ARMH3: variants seen among roughly 807,000 people sequenced by gnomAD.
The protein encoded by ARMH3 is armadillo-like helical domain-containing protein 3.
A neutral mutation model predicts 99.1 loss-of-function variants in ARMH3; 60 were observed. That is an observed-to-expected ratio of 0.61 (90% CI 0.49 to 0.75). The LOEUF (loss-of-function observed/expected upper bound fraction) is 0.75, where lower values mean the gene tolerates loss of function less well. Ranked by LOEUF, ARMH3 falls within the 30% of genes least tolerant of loss-of-function variation. The pLI is 0.00. For synonymous variants in ARMH3, 285 were observed against 292.8 expected (o/e 0.97, Z 0.27); for missense variants, 679 against 843.1 (o/e 0.81, Z 2.41).
intron 24 of ARMH3, among the ~76,000 whole-genome samples, chr10:101,876,863 C>A (rs1304663696): frequency 6.6e-6 from 1 of 152,128 alleles, no homozygotes; most frequent in African/African-American, 2.4e-5. Flanking sequence ...AAAGATAATT[C>A]TTGGGTTAAA....
chr10:102,050,350 G>T (rs371115711), intron 1 of ARMH3, among the ~76,000 whole-genome samples: 3 of 151,394 alleles, frequency 2.0e-5, no homozygotes, highest in East Asian at 3.9e-4. Context: ...TCGGGAGGCT[G>T]AGGCAAGAGA....
At chr10:101,900,451 T>C (rs2069373630) in intron 23 of ARMH3, among the ~76,000 whole-genome samples, 2 of 152,178 alleles carry the variant, frequency 1.3e-5, no homozygotes, top group African/African-American at 4.8e-5. Flanking sequence ...GCACTGGAGA[T>C]AAGCTCAAAA....
chr10:101,956,572 G>C, intron 22 of ARMH3, 25 bp downstream of exon 22: 13 of 1,610,316 alleles, frequency 8.1e-6, no homozygotes, highest in African/African-American at 1.3e-5. Context: ...GGTGGAGAGA[G>C]GAGTAAAAAG....
At chr10:102,021,768 G>C (rs933496732) in intron 8 of ARMH3, among the ~76,000 whole-genome samples, 1 of 151,790 alleles carries the variant, frequency 6.6e-6, no homozygotes, top group South Asian at 2.1e-4. Flanking sequence ...GGATGGTCTC[G>C]ATCTCCCAAC....
chr10:102,034,012 G>T (rs1245221582), intron 2 of ARMH3, among the ~76,000 whole-genome samples: 1 of 152,148 alleles, frequency 6.6e-6, no homozygotes, highest in African/African-American at 2.4e-5. Context: ...ACAATCCAGT[G>T]AGCCAGGAAG....
chr10:101,862,853 G>T (rs72844671), intron 24 of ARMH3, among the ~76,000 whole-genome samples: 1 of 152,276 alleles, frequency 6.6e-6, no homozygotes, highest in Non-Finnish European at 1.5e-5. Context: ...CAATTAAAAG[G>T]CAGGGACTTT....
chr10:101,987,011 G>A (rs980435565), intron 19 of ARMH3, among the ~76,000 whole-genome samples: 8 of 152,172 alleles, frequency 5.3e-5, no homozygotes, highest in Non-Finnish European at 1.0e-4. Context: ...ATGAACAAGG[G>A]CGAGGAGGGA....
chr10:102,022,975 C>T (rs983027926), intron 8 of ARMH3, among the ~76,000 whole-genome samples: 8 of 151,778 alleles, frequency 5.3e-5, no homozygotes, highest in Non-Finnish European at 1.2e-4. Flanking sequence ...GATCACCTGA[C>T]ATTGGGAGTT....
intron 23 of ARMH3, among the ~76,000 whole-genome samples, chr10:101,892,638 C>T (rs1366719632): frequency 2.0e-5 from 3 of 152,108 alleles, no homozygotes; most frequent in African/African-American, 7.2e-5. Flanking sequence ...CCAATCCCAG[C>T]ACTTATCATA....
chr10:101,866,492 A>T (rs2067006713), intron 24 of ARMH3, among the ~76,000 whole-genome samples: 1 of 151,362 alleles, frequency 6.6e-6, no homozygotes, highest in Admixed American at 6.6e-5. Flanking sequence ...TAAAAAAAAA[A>T]AAAAAAGAAA....
chr10:102,000,618 AT>A (rs1183778469), intron 15 of ARMH3, among the ~76,000 whole-genome samples: 6 of 106,806 alleles, frequency 5.6e-5, no homozygotes, highest in African/African-American at 1.7e-4. Context: ...CACAAAAAAA[AT>A]ATTATCCAGG....
At chr10:101,929,155 A>G (rs1022027155) in intron 23 of ARMH3, among the ~76,000 whole-genome samples, 11 of 152,372 alleles carry the variant, frequency 7.2e-5, no homozygotes, top group Admixed American at 2.6e-4. Flanking sequence ...TTCTTTGACT[A>G]CATTATCTAA....
intron 1 of ARMH3, among the ~76,000 whole-genome samples, chr10:102,045,129 C>CAAAA (rs574856341): frequency 3.2e-4 from 26 of 80,554 alleles, no homozygotes; most frequent in South Asian, 1.3e-3. Flanking sequence ...GCCCTTGTCT[C>CAAAA]AAAAAAAAAA....
At chr10:101,883,405 G>T (rs1235009983) in intron 24 of ARMH3, among the ~76,000 whole-genome samples, 1 of 149,174 alleles carries the variant, frequency 6.7e-6, no homozygotes, top group Non-Finnish European at 1.5e-5. Flanking sequence ...GACAGAGCAA[G>T]ACCTTGTCTC....
At chr10:101,866,885 CCTGT>C (rs568891570) in intron 24 of ARMH3, among the ~76,000 whole-genome samples, 16 of 152,154 alleles carry the variant, frequency 1.1e-4, no homozygotes, top group Middle Eastern at 3.4e-3. Flanking sequence ...ATAGCAAGAC[CCTGT>C]CTGTCTGTAA....
chr10:102,011,695 C>T (rs778747699), intron 11 of ARMH3, 28 bp downstream of exon 11: 3 of 1,565,502 alleles, frequency 1.9e-6, no homozygotes, highest in Admixed American at 1.9e-5. Flanking sequence ...CTGTTTTTTT[C>T]AGGAGAAAAA....
chr10:101,892,389 G>T (rs192363045), intron 23 of ARMH3, among the ~76,000 whole-genome samples: 1 of 152,228 alleles, frequency 6.6e-6, no homozygotes, highest in South Asian at 2.1e-4. Flanking sequence ...AGCCCAGGGG[G>T]ATGAGGCTGC....
chr10:101,944,590 G>T (rs1437944495), intron 22 of ARMH3, among the ~76,000 whole-genome samples: 1 of 152,008 alleles, frequency 6.6e-6, no homozygotes, highest in Non-Finnish European at 1.5e-5. Flanking sequence ...GAGGCGGGTG[G>T]ATCACCTGAG....
intron 24 of ARMH3, among the ~76,000 whole-genome samples, chr10:101,857,799 A>G (rs79814902): frequency 6.6e-6 from 1 of 152,348 alleles, no homozygotes; most frequent in East Asian, 1.9e-4. Flanking sequence ...AGAGACTGAA[A>G]GAGAAATGGA....
Sources: gnomAD v4.1 joint callset for allele counts (sites outside exome capture counted in the v4.1 genomes callset) on GRCh38, gnomAD v4.1.1 for gene constraint, MANE v1.5 for transcripts, NCBI Gene and HGNC (gene_info 2026-07-23, HGNC 2026-07-21) for gene names.